Variants in SHANK2 observed in about 807,000 individuals in gnomAD.
SHANK2 encodes the protein SH3 and multiple ankyrin repeat domains 2, also known as SH3 and multiple ankyrin repeat domains protein 2.
A neutral mutation model predicts 133.7 loss-of-function variants in SHANK2; 43 were observed. That is an observed-to-expected ratio of 0.32 (90% CI 0.25 to 0.41). The LOEUF (loss-of-function observed/expected upper bound fraction) is 0.41. Among genes scored for constraint, SHANK2 ranks in the 10% least tolerant of loss-of-function variants. The probability of loss-of-function intolerance (pLI) is 1.00; values close to 1 mark genes in which losing one functional copy is unlikely to be tolerated. For synonymous variants in SHANK2, 1,017 were observed against 952.8 expected (o/e 1.07, Z -1.24); for missense variants, 1,994 against 2,235.8 (o/e 0.89, Z 2.18).
At chr11:71,235,899 C>G (rs1192506597) in intron 1 of SHANK2, among the ~76,000 whole-genome samples, 1 of 152,212 alleles carries the variant, frequency 6.6e-6, no homozygotes, top group African/African-American at 2.4e-5. Flanking sequence ...TCCCATCCTG[C>G]CGGCTGCCTT....
intron 15 of SHANK2, among the ~76,000 whole-genome samples, chr11:70,687,475 C>T (rs1258875969): frequency 3.3e-5 from 5 of 152,296 alleles, no homozygotes; most frequent in Admixed American, 6.5e-5. Flanking sequence ...TCAGTGACCT[C>T]ACGTTGGCAG....
At chr11:70,700,051 G>A (rs561940036) in intron 14 of SHANK2, among the ~76,000 whole-genome samples, 2 of 152,184 alleles carry the variant, frequency 1.3e-5, no homozygotes, top group African/African-American at 4.8e-5. Context: ...GGACTCTTAC[G>A]TAAGCAAGAG....
chr11:70,822,482 G>A (rs1948544473), intron 11 of SHANK2, among the ~76,000 whole-genome samples: 1 of 151,036 alleles, frequency 6.6e-6, no homozygotes, highest in African/African-American at 2.4e-5. Flanking sequence ...AGATGGCACT[G>A]GCAGAGTTCA....
chr11:71,195,786 C>T (rs781821794), intron 2 of SHANK2, among the ~76,000 whole-genome samples: 1 of 152,166 alleles, frequency 6.6e-6, no homozygotes, highest in Non-Finnish European at 1.5e-5. Context: ...TAAAATCACA[C>T]ATAACAAAAA....
In SHANK2 at chr11:70,739,968, G is replaced by A. The variant is rs1042134675; in HGVS notation, c.1778-41205C>T. 6.6e-6 allele frequency among the ~76,000 whole-genome samples: 1 copy of A among 152,234 alleles called. No individual in the cohort carries two copies. Among genetic ancestry groups the A allele is most frequent in the Middle Eastern group, 3.2e-3 (1 of 316 alleles). On this transcript the variant is annotated intron_variant, in intron 14 of 25. Coordinates refer to ENST00000601538, the MANE Select transcript of SHANK2 (RefSeq NM_012309.5). This position sits in a 1 kb window ranked among gnomAD's most constrained non-coding sequence, Gnocchi z 4.3. ...CACAGAAGTCCAGCTTGGCTCCTTC[G>A]CCATCAGGAGACCTTGGACAGTCAC...
intron 14 of SHANK2, among the ~76,000 whole-genome samples, chr11:70,723,634 T>C (rs1457101556): frequency 6.6e-6 from 1 of 152,150 alleles, no homozygotes; most frequent in Non-Finnish European, 1.5e-5. Flanking sequence ...TGCATGTTGT[T>C]GGAGCCACTG....
At chr11:71,172,322 G>A (rs1417565916) in intron 2 of SHANK2, among the ~76,000 whole-genome samples, 9 of 152,118 alleles carry the variant, frequency 5.9e-5, no homozygotes, top group African/African-American at 2.2e-4. Flanking sequence ...TTACTTAAAA[G>A]AAACAGCCGC....
intron 17 of SHANK2, among the ~76,000 whole-genome samples, chr11:70,600,951 A>G (rs2136322673): frequency 6.6e-6 from 1 of 152,364 alleles, no homozygotes; most frequent in Non-Finnish European, 1.5e-5. Flanking sequence ...AAATTCATCT[A>G]CATTAAATTA....
intron 2 of SHANK2, among the ~76,000 whole-genome samples, chr11:71,190,858 C>A (rs1383182489): frequency 2.0e-5 from 3 of 152,146 alleles, no homozygotes; most frequent in South Asian, 2.1e-4. Flanking sequence ...CCAGCCCCTG[C>A]GGTGCTGGAG....
At chr11:71,073,127 G>GTTTTTTTTTTTTT (rs1277169505) in intron 9 of SHANK2, among the ~76,000 whole-genome samples, 1 of 93,782 alleles carries the variant, frequency 1.1e-5, no homozygotes, top group Non-Finnish European at 2.5e-5. Context: ...CTTGCTTTTT[G>GTTTTTTTTTTTTT]TTTTTTTTCT....
chr11:70,532,994 C>T (rs74948561), intron 17 of SHANK2, among the ~76,000 whole-genome samples: 7,746 of 152,276 alleles, frequency 0.051, 295 homozygotes, highest in Non-Finnish European at 0.079. Context: ...AAAGAAGCCA[C>T]GAAGCACCCC....
intron 11 of SHANK2, among the ~76,000 whole-genome samples, chr11:70,841,253 G>A (rs1020467624): frequency 2.0e-5 from 3 of 152,220 alleles, no homozygotes; most frequent in East Asian, 1.9e-4. Context: ...CCTGGGTGGC[G>A]GAGCGAGACT....
intron 11 of SHANK2, among the ~76,000 whole-genome samples, chr11:70,854,864 A>G (rs1285399167): frequency 6.6e-6 from 1 of 152,224 alleles, no homozygotes; most frequent in Non-Finnish European, 1.5e-5. Flanking sequence ...AGCAGGGACT[A>G]GGCACTGGTC....
intron 11 of SHANK2, among the ~76,000 whole-genome samples, chr11:70,844,535 C>T (rs1275666056): frequency 6.6e-6 from 1 of 152,228 alleles, no homozygotes. Flanking sequence ...CCACGCCGGG[C>T]ACTGCCCTTC....
intron 11 of SHANK2, chr11:70,863,648 A>G (rs1338423133): frequency 9.3e-6 from 4 of 427,892 alleles, no homozygotes; most frequent in African/African-American, 6.1e-5. Flanking sequence ...CATCTGGTCC[A>G]CTCTCTCTGG....
At chr11:70,682,244 C>T (rs1057286312) in intron 15 of SHANK2, among the ~76,000 whole-genome samples, 11 of 152,284 alleles carry the variant, frequency 7.2e-5, no homozygotes, top group Non-Finnish European at 1.3e-4. Flanking sequence ...TGGGTCCACC[C>T]CACCCCCGGA....
chr11:70,745,002 C>T lies in SHANK2; in HGVS notation c.1778-46239G>A, dbSNP rs371959787. On this transcript the variant is annotated intron_variant, in intron 14 of 25. Transcript: ENST00000601538. ...GGACAGACACCACGGGGGACACCGG[C>T]GCCCTGACCCAGCATCTGCGGCAGC... Among the ~76,000 whole-genome samples the T allele has an allele frequency of 7.2e-5, 11 of 152,350 alleles. No individual in the cohort carries two copies. The East Asian group carries it at 1.3e-3, about 19-fold the overall frequency.
At chr11:70,612,752 G>A (rs1377589223) in intron 17 of SHANK2, among the ~76,000 whole-genome samples, 2 of 152,190 alleles carry the variant, frequency 1.3e-5, no homozygotes, top group Admixed American at 1.3e-4. Context: ...ACAATACATG[G>A]ATTCCCTTTG....
chr11:70,808,148 A>G (rs1948202859), intron 12 of SHANK2, among the ~76,000 whole-genome samples: 4 of 152,152 alleles, frequency 2.6e-5, no homozygotes, highest in Non-Finnish European at 5.9e-5. Context: ...GCACTTCAAA[A>G]TGGTTCTAAG....
Sources: allele counts gnomAD v4.1 joint callset (sites outside exome capture counted in the v4.1 genomes callset), GRCh38; gene constraint gnomAD v4.1.1; non-coding constraint Gnocchi (gnomAD v3.1); transcripts MANE v1.5; gene names NCBI Gene and HGNC (gene_info 2026-07-23, HGNC 2026-07-21).